MAP4K3: variants seen among roughly 807,000 people sequenced by gnomAD.
MAP4K3 encodes mitogen-activated protein kinase kinase kinase kinase 3, also known as MAPK/ERK kinase kinase kinase 3.
MAP4K3 carries 94 observed loss-of-function variants against 143.5 expected under a neutral mutation model. The ratio of observed to expected loss-of-function variants is 0.65; its 90% CI spans 0.55 to 0.78. The LOEUF (loss-of-function observed/expected upper bound fraction) is 0.78. Ranked by LOEUF, MAP4K3 falls within the 30% of genes least tolerant of loss-of-function variation. The pLI is 0.00. For missense variants in MAP4K3, 1,077 were observed against 1,068.1 expected (o/e 1.01, Z -0.12); for synonymous variants, 416 against 347.2 (o/e 1.20, Z -2.20).
At chr2:39,282,771 C>G (rs1292513910) in intron 21 of MAP4K3, among the ~76,000 whole-genome samples, 1 of 152,168 alleles carries the variant, frequency 6.6e-6, no homozygotes, top group South Asian at 2.1e-4. Flanking sequence ...CCTTCCAAAT[C>G]TTTCTCTAGT....
Position 39,280,352 on chromosome 2 carries a change from C to T in MAP4K3, c.1634G>A (p.Gly545Asp). 6.3e-7 allele frequency: 1 copy of T among 1,595,968 alleles called. No individual in the cohort carries two copies. The highest frequency in any genetic ancestry group is 8.6e-7 in the Non-Finnish European group (1 of 1,167,248). Reference protein sequence around the residue: ...GLPPTPKVHMGACFSKVFNGC... With the variant: ...GLPPTPKVHMDACFSKVFNGC... The stretch of plus-strand genomic sequence containing the variant: ...ATTAAAAACTTTTGAAAAACATGCA[C>T]CCATCTAGGGAAACAAAGAATAACC... The change falls in exon 23 of 34, where the codon GGT (glycine) becomes GAT (aspartate). Residue 545 changes from glycine (G) to aspartate (D), a missense_variant. By Grantham distance (94) the Gly-to-Asp change is moderately conservative (BLOSUM62 -1). Coordinates refer to ENST00000263881, the MANE Select transcript of MAP4K3 (RefSeq NM_003618.4).
At position 39,258,508 on chromosome 2, in the gene MAP4K3, T is replaced by C; in HGVS notation, c.2377+11A>G. 2 of 1,611,270 alleles carry C rather than the reference T, an allele frequency of 1.2e-6. No individual in the cohort carries two copies. Among genetic ancestry groups the C allele is most frequent in the Non-Finnish European group, 1.7e-6 (2 of 1,177,676 alleles). The stretch of plus-strand genomic sequence containing the variant: ...CTTATTAAAGTAAGACATTCATAAA[T>C]AAAAACTTACAGTCCAAGCATACAA... On this transcript the variant is annotated intron_variant, in intron 30 of 33. Coordinates refer to ENST00000263881, the MANE Select transcript of MAP4K3 (RefSeq NM_003618.4).
chr2:39,278,549 A>G, intron 23 of MAP4K3, 63 bp from the exon 24 acceptor site: 1 of 897,504 alleles, frequency 1.1e-6, no homozygotes, highest in Non-Finnish European at 1.7e-6. Flanking sequence ...TAGGATTTCT[A>G]TAATCTAAAC....
chr2:39,343,498 T>C (rs754941609), intron 3 of MAP4K3, 46 bp from the exon 4 acceptor site: 1 of 1,495,588 alleles, frequency 6.7e-7, no homozygotes. Context: ...TGATTAAAAC[T>C]GTCTGTGTGA....
chr2:39,380,276 T>C (rs1212993662), intron 1 of MAP4K3, among the ~76,000 whole-genome samples: 1 of 151,950 alleles, frequency 6.6e-6, no homozygotes, highest in Non-Finnish European at 1.5e-5. Flanking sequence ...CTTCTAAGCC[T>C]TTCCTTAGTA....
chr2:39,365,430 ATT>A (rs151026787), intron 2 of MAP4K3, among the ~76,000 whole-genome samples: 97 of 87,910 alleles, frequency 1.1e-3, no homozygotes, highest in African/African-American at 3.4e-3. Context: ...CGCCATAGTA[ATT>A]TTTTTTTTTT....
At chr2:39,391,077 C>T (rs530012083) in intron 1 of MAP4K3, among the ~76,000 whole-genome samples, 51 of 152,038 alleles carry the variant, frequency 3.4e-4, no homozygotes, top group Admixed American at 1.7e-3. Flanking sequence ...TACTATAGGC[C>T]GGGCGCGGTG....
chr2:39,422,921 A>G (rs1264488435), intron 1 of MAP4K3, among the ~76,000 whole-genome samples: 4 of 152,178 alleles, frequency 2.6e-5, no homozygotes, highest in African/African-American at 9.7e-5. Flanking sequence ...GAAAAAACTG[A>G]TAAGCTGGAC....
chr2:39,326,100 G>A, intron 9 of MAP4K3, 46 bp downstream of exon 9: 1 of 1,590,580 alleles, frequency 6.3e-7, no homozygotes, highest in Non-Finnish European at 8.6e-7. Flanking sequence ...CATACTAAGA[G>A]GATAAAAACC....
At chr2:39,336,262 C>G (rs570344071) in intron 6 of MAP4K3, among the ~76,000 whole-genome samples, 108 of 152,038 alleles carry the variant, frequency 7.1e-4, no homozygotes, top group African/African-American at 2.3e-3. Context: ...CACCTGAGGT[C>G]AGGAGATCGA....
At chr2:39,379,362 A>G (rs148061369) in intron 1 of MAP4K3, among the ~76,000 whole-genome samples, 31 of 152,270 alleles carry the variant, frequency 2.0e-4, no homozygotes, top group Non-Finnish European at 1.5e-5. Flanking sequence ...TTGTTCCTTC[A>G]AACAAAATCC....
chr2:39,269,041 G>A (rs1156376856), intron 26 of MAP4K3, among the ~76,000 whole-genome samples: 3 of 152,050 alleles, frequency 2.0e-5, no homozygotes, highest in East Asian at 3.9e-4. Context: ...TGGGATTACA[G>A]GCATGAGCCA....
intron 3 of MAP4K3, among the ~76,000 whole-genome samples, chr2:39,345,564 C>T (rs1425858523): frequency 6.6e-6 from 1 of 152,044 alleles, no homozygotes; most frequent in Admixed American, 6.6e-5. Flanking sequence ...GCTATCAGAG[C>T]GCAAAGGTCA....
Position 39,249,721 on chromosome 2 carries a change from T to C in MAP4K3, c.*897A>G, listed in dbSNP as rs745923180. The C allele has an allele frequency of 3.9e-5, 6 of 152,630 alleles. No homozygotes were observed. The highest frequency in any genetic ancestry group is 8.8e-5 in the Non-Finnish European group (6 of 68,016). 9.5% of individuals were successfully genotyped at this position (152,630 alleles called of 1,614,324 possible). On this transcript the variant is annotated 3_prime_UTR_variant, in exon 34 of 34. Coordinates refer to ENST00000263881, the MANE Select transcript of MAP4K3 (RefSeq NM_003618.4). ...CTTCAGTGTGATCATATGAAATGTT[T>C]AGTGAGGACTCTTTAATAATGCTAA...
At chr2:39,328,652 T>C (rs1683581403) in intron 8 of MAP4K3, among the ~76,000 whole-genome samples, 1 of 152,180 alleles carries the variant, frequency 6.6e-6, no homozygotes. Flanking sequence ...CACCACAGCA[T>C]ACAAGTTTTT....
chr2:39,346,188 A>C (rs915367433), intron 3 of MAP4K3, among the ~76,000 whole-genome samples: 1 of 152,192 alleles, frequency 6.6e-6, no homozygotes, highest in Non-Finnish European at 1.5e-5. Flanking sequence ...CCCCCAGAGA[A>C]TGTAACCACT....
Position 39,291,956 on chromosome 2 carries a change from T to G in MAP4K3, c.1271+817A>C, listed in dbSNP as rs578137027. ...AGGATTTCAAGGCCTAGAAAGTTTA[T>G]GTAACTTTACCCAAGATCAACCTAT... On this transcript the variant is annotated intron_variant, in intron 18 of 33. Coordinates refer to ENST00000263881, the MANE Select transcript of MAP4K3 (RefSeq NM_003618.4). Among the ~76,000 whole-genome samples the G allele has an allele frequency of 9.5e-4, 145 of 152,196 alleles. 1 individual carries two copies. Among genetic ancestry groups the G allele is most frequent in the African/African-American group, 3.1e-3 (128 of 41,550 alleles).
intron 26 of MAP4K3, among the ~76,000 whole-genome samples, chr2:39,271,638 C>A (rs1327999806): frequency 6.6e-6 from 1 of 152,210 alleles, no homozygotes; most frequent in Non-Finnish European, 1.5e-5. Flanking sequence ...GTTAGCCAGG[C>A]TGGAGTGTAG....
At chr2:39,394,196 C>T (rs1287999099) in intron 1 of MAP4K3, among the ~76,000 whole-genome samples, 1 of 152,150 alleles carries the variant, frequency 6.6e-6, no homozygotes, top group Non-Finnish European at 1.5e-5. Context: ...CACTTTTCTC[C>T]TGTTCCCAAT....
Sources: allele counts gnomAD v4.1 joint callset (sites outside exome capture counted in the v4.1 genomes callset), GRCh38; gene constraint gnomAD v4.1.1; transcripts MANE v1.5; gene names NCBI Gene and HGNC (gene_info 2026-07-23, HGNC 2026-07-21).